FILIP1L: variants seen among roughly 807,000 people sequenced by gnomAD.
The protein encoded by FILIP1L is filamin A interacting protein 1 like.
Under a neutral mutation model 96.6 loss-of-function variants are expected in FILIP1L, and 55 were observed. The observed-to-expected ratio is 0.57, with a 90% CI of 0.46 to 0.71. The LOEUF (loss-of-function observed/expected upper bound fraction) is 0.71, where lower values mean the gene tolerates loss of function less well. Ranked by LOEUF, FILIP1L falls within the 30% of genes least tolerant of loss-of-function variation. The probability of loss-of-function intolerance (pLI) is 0.00; values close to 1 mark genes in which losing one functional copy is unlikely to be tolerated. For missense variants in FILIP1L, 1,304 were observed against 1,321.2 expected (o/e 0.99, Z 0.20); for synonymous variants, 467 against 473.9 (o/e 0.99, Z 0.19).
intron 3 of FILIP1L, 61 bp downstream of exon 3, chr3:99,929,795 C>T (rs1707417549): frequency 8.0e-7 from 1 of 1,252,626 alleles, no homozygotes; most frequent in South Asian, 1.5e-5. Flanking sequence ...ACAGATCATG[C>T]TCATCTGCAG....
At chr3:99,997,878 C>G (rs984818445) in intron 1 of FILIP1L, among the ~76,000 whole-genome samples, 2 of 152,128 alleles carry the variant, frequency 1.3e-5, no homozygotes, top group African/African-American at 2.4e-5. Context: ...AAAATGTAAA[C>G]TAAAGTATAA....
chr3:99,971,133 C>T (rs994848743), intron 1 of FILIP1L, among the ~76,000 whole-genome samples: 21 of 152,028 alleles, frequency 1.4e-4, no homozygotes, highest in Non-Finnish European at 2.2e-4. Flanking sequence ...GTCAGGAGAT[C>T]GAGACCATCC....
chr3:99,971,098 G>A (rs1050376657), intron 1 of FILIP1L, among the ~76,000 whole-genome samples: 10 of 152,200 alleles, frequency 6.6e-5, no homozygotes, highest in African/African-American at 1.9e-4. Flanking sequence ...AGCACTTTGG[G>A]AGGCCAAGGC....
chr3:99,884,297 A>G (rs1011756917), intron 4 of FILIP1L, among the ~76,000 whole-genome samples: 23 of 152,078 alleles, frequency 1.5e-4, no homozygotes, highest in Non-Finnish European at 2.8e-4. Context: ...TTATGGTGCT[A>G]TCAGTGTTAG....
At chr3:100,069,880 A>G (rs1347332313) in intron 1 of FILIP1L, among the ~76,000 whole-genome samples, 1 of 152,182 alleles carries the variant, frequency 6.6e-6, no homozygotes, top group Non-Finnish European at 1.5e-5. Flanking sequence ...TAGAGGACTC[A>G]CACTATCCAG....
In FILIP1L at chr3:99,930,656, C is replaced by T. The variant is rs1267401369; in HGVS notation, c.252+113G>A. 7 of 1,143,898 alleles carry T rather than the reference C, an allele frequency of 6.1e-6. No individual in the cohort carries two copies. The Admixed American group carries it at 1.5e-4, about 24-fold the overall frequency. The allele number at this position is 1,143,898 out of a possible 1,614,324, so 70.9% of individuals were successfully genotyped here. ...TGTATATATACTTATGCTTTGCTTT[C>T]ATGTACACACATGTATGAACCACAG... On this transcript the variant is annotated intron_variant, in intron 2 of 5. Transcript: ENST00000477258.
In FILIP1L at chr3:100,090,071, T is replaced by G. The variant is rs2066078086; in HGVS notation, c.-11+23982A>C. Among the ~76,000 whole-genome samples, 3 of 152,226 alleles carry G rather than the reference T, an allele frequency of 2.0e-5. No individual in the cohort carries two copies. In the South Asian group the frequency reaches 6.2e-4, roughly 32 times the overall value. On this transcript the variant is annotated intron_variant, in intron 1 of 5. Coordinates refer to ENST00000477258, the MANE Select transcript of FILIP1L (RefSeq NM_001387850.1). ...ACAGAAAACTTCACTGATGTTTATC[T>G]CAAAGCTCATTGCTTCACTGTCTGC... is the stretch of plus-strand genomic sequence containing the variant.
intron 1 of FILIP1L, among the ~76,000 whole-genome samples, chr3:100,000,178 C>T (rs1709802367): frequency 6.6e-6 from 1 of 152,198 alleles, no homozygotes; most frequent in Non-Finnish European, 1.5e-5. Context: ...AAAATTTCTT[C>T]CTGCCTTCTT....
intron 1 of FILIP1L, among the ~76,000 whole-genome samples, chr3:99,993,603 G>A (rs1033972009): frequency 1.3e-5 from 2 of 152,060 alleles, no homozygotes; most frequent in Non-Finnish European, 2.9e-5. Context: ...GTATGATATT[G>A]GGTGTGGGTT....
chr3:99,846,072 T>C (rs1375625431), intron 5 of FILIP1L, among the ~76,000 whole-genome samples: 1 of 152,192 alleles, frequency 6.6e-6, no homozygotes, highest in Admixed American at 6.5e-5. Context: ...CCTTTCAAAA[T>C]GGGTGGGCTG....
intron 1 of FILIP1L, among the ~76,000 whole-genome samples, chr3:100,027,709 A>G (rs935785564): frequency 6.6e-6 from 1 of 152,190 alleles, no homozygotes; most frequent in Non-Finnish European, 1.5e-5. Flanking sequence ...TGAACTTTCA[A>G]ATCTCTGAAG....
chr3:99,916,463 C>G lies in FILIP1L; in HGVS notation c.605+7767G>C, dbSNP rs550936786. Among the ~76,000 whole-genome samples, 173 of 151,652 alleles carry G rather than the reference C, an allele frequency of 1.1e-3. 1 individual carries two copies. Among genetic ancestry groups the G allele is most frequent in the African/African-American group, 4.1e-3 (169 of 41,370 alleles). On this transcript the variant is annotated intron_variant, in intron 4 of 5. Coordinates refer to ENST00000477258, the MANE Select transcript of FILIP1L (RefSeq NM_001387850.1). Reference sequence around the variant, plus strand: ...ACACACACACACACACACACACACACACACACACACACACACACACACGTT... The same window carrying G: ...ACACACACACACACACACACACACAGACACACACACACACACACACACGTT...
At chr3:99,832,331 C>T (rs533001511) in intron 5 of FILIP1L, among the ~76,000 whole-genome samples, 2 of 150,906 alleles carry the variant, frequency 1.3e-5, no homozygotes, top group African/African-American at 4.8e-5. Flanking sequence ...CCCGGGCTCC[C>T]GCCATTCTCC....
chr3:99,864,364 A>C (rs910474693), intron 4 of FILIP1L, among the ~76,000 whole-genome samples: 1 of 152,152 alleles, frequency 6.6e-6, no homozygotes, highest in Non-Finnish European at 1.5e-5. Context: ...GTGCCACTAG[A>C]TCTCACTTAA....
intron 1 of FILIP1L, among the ~76,000 whole-genome samples, chr3:100,004,445 G>A (rs1250573627): frequency 6.6e-6 from 1 of 152,138 alleles, no homozygotes; most frequent in Non-Finnish European, 1.5e-5. Flanking sequence ...CAAGGGAGGA[G>A]AACCAACAGA....
intron 1 of FILIP1L, among the ~76,000 whole-genome samples, chr3:99,934,008 C>T (rs749226125): frequency 3.9e-5 from 6 of 152,198 alleles, no homozygotes; most frequent in Non-Finnish European, 8.8e-5. Flanking sequence ...GACGGGCTCT[C>T]ACGTATTTGG....
intron 1 of FILIP1L, among the ~76,000 whole-genome samples, chr3:99,953,941 C>T (rs909201882): frequency 1.3e-5 from 2 of 152,222 alleles, no homozygotes; most frequent in African/African-American, 2.4e-5. Flanking sequence ...TGCCTCTCTT[C>T]CCACATTGTA....
chr3:100,066,935 A>G (rs1004020012), intron 1 of FILIP1L, among the ~76,000 whole-genome samples: 2 of 152,162 alleles, frequency 1.3e-5, no homozygotes, highest in African/African-American at 4.8e-5. Context: ...CTCACAGGAT[A>G]TTCTGTTTCA....
At chr3:99,853,793 G>A (rs776614273) in intron 4 of FILIP1L, among the ~76,000 whole-genome samples, 9 of 152,118 alleles carry the variant, frequency 5.9e-5, no homozygotes, top group Admixed American at 2.6e-4. Flanking sequence ...TCTCATGAGC[G>A]CACCATAGGA....
Sources: gnomAD v4.1 joint callset for allele counts (sites outside exome capture counted in the v4.1 genomes callset) on GRCh38, gnomAD v4.1.1 for gene constraint, MANE v1.5 for transcripts, NCBI Gene and HGNC (gene_info 2026-07-23, HGNC 2026-07-21) for gene names.